Variants in DHRS12 observed in about 807,000 individuals in gnomAD.
DHRS12 encodes the protein dehydrogenase/reductase SDR family member 12.
DHRS12 carries 29 observed loss-of-function variants against 32.1 expected under a neutral mutation model. The observed-to-expected ratio is 0.90, with a 90% CI of 0.67 to 1.23. The LOEUF (loss-of-function observed/expected upper bound fraction) is 1.23. Among genes scored for constraint, DHRS12 ranks in the 50% most tolerant of loss-of-function variants. The pLI is 0.00. For missense variants in DHRS12, 330 were observed against 337.2 expected (o/e 0.98, Z 0.17); for synonymous variants, 150 against 135.9 (o/e 1.10, Z -0.72).
At chr13:51,758,070 A>G in the DHRS12 span, 2 of 505,836 alleles carry the variant, frequency 4.0e-6, no homozygotes, top group Non-Finnish European at 7.2e-6. Context: ...TCTGAGGAGC[A>G]TTCCTGTCAG....
intron 4 of DHRS12, among the ~76,000 whole-genome samples, chr13:51,783,475 TATA>T (rs1555270667): frequency 3.9e-5 from 6 of 152,316 alleles, no homozygotes; most frequent in South Asian, 2.1e-4. Context: ...ATAATATATA[TATA>T]ATGTTTTAAC....
At chr13:51,789,787 C>A (rs1955177666) in intron 4 of DHRS12, 1 of 985,316 alleles carries the variant, frequency 1.0e-6, no homozygotes, top group Non-Finnish European at 1.2e-6. Context: ...GGAAAAAAAA[C>A]ACTTCAATAC....
intron 4 of DHRS12, among the ~76,000 whole-genome samples, chr13:51,788,334 T>C (rs1955094239): frequency 6.6e-6 from 1 of 152,126 alleles, no homozygotes; most frequent in African/African-American, 2.4e-5. Context: ...GATAACATAT[T>C]TGGAACAAAG....
the DHRS12 span, chr13:51,755,537 C>G: frequency 6.4e-6 from 9 of 1,414,390 alleles, 1 homozygote; most frequent in South Asian, 1.1e-4. Context: ...GAAATAACAC[C>G]CCTGGGTGGG....
chr13:51,794,385 T>C (rs889605366), intron 2 of DHRS12, among the ~76,000 whole-genome samples: 5 of 152,178 alleles, frequency 3.3e-5, no homozygotes, highest in Non-Finnish European at 7.3e-5. Context: ...TGGAGGTGTT[T>C]TGTTAAGTAG....
intron 1 of DHRS12, chr13:51,803,768 CG>C: frequency 7.0e-6 from 2 of 286,178 alleles, no homozygotes; most frequent in Non-Finnish European, 1.3e-5. Context: ...TCCTTGGCGC[CG>C]GGGCCGCCTG....
chr13:51,797,694 C>T (rs1221148852), intron 2 of DHRS12: 4 of 907,218 alleles, frequency 4.4e-6, no homozygotes, highest in South Asian at 1.7e-5. Context: ...CCCTGCTGGC[C>T]GAGGCTGCTT....
intron 2 of DHRS12, among the ~76,000 whole-genome samples, chr13:51,794,427 A>C (rs1955419669): frequency 6.6e-6 from 1 of 152,226 alleles, no homozygotes; most frequent in South Asian, 2.1e-4. Flanking sequence ...GCGGTATTTC[A>C]TAAAACCACT....
rs1025725894 is a variant in DHRS12 at position 51,771,243 on chromosome 13, T to C, written c.559+578A>G. 1.1e-5 allele frequency: 17 copies of C among 1,551,736 alleles called. No individual in the cohort carries two copies. Among genetic ancestry groups the C allele is most frequent in the Non-Finnish European group, 1.5e-5 (17 of 1,147,086 alleles). Reference sequence around the variant, plus strand: ...GTGCTGTGGCTGCTGCTGCTTTCAGTTCCCTTGTTTGTAGAGGAGGAAAGA... The same window carrying C: ...GTGCTGTGGCTGCTGCTGCTTTCAGCTCCCTTGTTTGTAGAGGAGGAAAGA... On this transcript the variant is annotated intron_variant, in intron 7 of 8. Coordinates refer to ENST00000444610, the MANE Select transcript of DHRS12 (RefSeq NM_001377533.1).
intron 7 of DHRS12, among the ~76,000 whole-genome samples, chr13:51,770,542 G>A (rs376892092): frequency 2.6e-5 from 4 of 152,202 alleles, no homozygotes; most frequent in Admixed American, 6.5e-5. Context: ...CCATTAGGCC[G>A]TGAGAAGAAT....
chr13:51,785,809 C>T (rs2064171393), intron 4 of DHRS12, among the ~76,000 whole-genome samples: 1 of 152,070 alleles, frequency 6.6e-6, no homozygotes, highest in Non-Finnish European at 1.5e-5. Context: ...ATGATACAAC[C>T]CTACACTAAA....
rs956979407 is a variant in DHRS12 at position 51,771,627 on chromosome 13, G to A, written c.559+194C>T. Reference sequence around the variant, plus strand: ...CTGACTTGCACAGGGCAAGCTGGAAGCAAAAGCTCTGTGTCTGTATGAGGC... The same window carrying A: ...CTGACTTGCACAGGGCAAGCTGGAAACAAAAGCTCTGTGTCTGTATGAGGC... On this transcript the variant is annotated intron_variant, in intron 7 of 8. Transcript: ENST00000444610. 11 of 1,456,674 alleles carry A rather than the reference G, an allele frequency of 7.6e-6. No individual in the cohort carries two copies. In the Admixed American group the frequency reaches 2.1e-4, roughly 28 times the overall value. The allele number at this position is 1,456,674 out of a possible 1,614,324, so 90.2% of individuals were successfully genotyped here.
chr13:51,792,786 T>C (rs1955337390), intron 2 of DHRS12, among the ~76,000 whole-genome samples: 1 of 152,182 alleles, frequency 6.6e-6, no homozygotes, highest in African/African-American at 2.4e-5. Context: ...GTTACGTCGT[T>C]GTTTGTTTGT....
chr13:51,791,231 C>T lies in DHRS12; in HGVS notation c.153G>A (p.Leu51=), dbSNP rs1955252633. 1.3e-6 allele frequency: 2 copies of T among 1,534,448 alleles called. No homozygotes were observed. Among genetic ancestry groups the T allele is most frequent in the South Asian group, 2.5e-5 (2 of 80,392 alleles). ...ATTTCCAGATTTGCTTGGGATCAGACAAGTCCACAATGTGCAGAAAAATGT... is the reference window on the plus strand; with the variant it reads ...ATTTCCAGATTTGCTTGGGATCAGATAAGTCCACAATGTGCAGAAAAATGT... ...SENIFLHIVD[L]SDPKQIWKFV... Residue 51 remains leucine, a synonymous_variant, in exon 3 of 9, where the codon TTG becomes TTA. Coordinates refer to ENST00000444610, the MANE Select transcript of DHRS12 (RefSeq NM_001377533.1).
chr13:51,795,386 T>C (rs1566306021), intron 2 of DHRS12, among the ~76,000 whole-genome samples: 1 of 152,176 alleles, frequency 6.6e-6, no homozygotes, highest in Non-Finnish European at 1.5e-5. Flanking sequence ...GGTAATAATA[T>C]TAGTATAAAC....
At chr13:51,781,979 G>A (rs1354959740) in intron 4 of DHRS12, among the ~76,000 whole-genome samples, 1 of 152,200 alleles carries the variant, frequency 6.6e-6, no homozygotes, top group Non-Finnish European at 1.5e-5. Context: ...AGTGGTCGCA[G>A]TGGAGCTGAA....
At chr13:51,792,957 T>C (rs1433640651) in intron 2 of DHRS12, among the ~76,000 whole-genome samples, 2 of 152,084 alleles carry the variant, frequency 1.3e-5, no homozygotes, top group African/African-American at 2.4e-5. Context: ...AAGTTTGCTC[T>C]TCAGACAGTA....
chr13:51,759,690 A>G, the DHRS12 span: 1 of 1,600,592 alleles, frequency 6.2e-7, no homozygotes, highest in Non-Finnish European at 8.6e-7. Flanking sequence ...AAGGACTGTT[A>G]TCCTCAACAC....
chr13:51,756,144 C>T, the DHRS12 span, among the ~76,000 whole-genome samples: 1 of 151,892 alleles, frequency 6.6e-6, no homozygotes, highest in Admixed American at 6.6e-5. Flanking sequence ...ACCCAACAGT[C>T]CTTGTTGAAT....
Sources: allele counts gnomAD v4.1 joint callset (sites outside exome capture counted in the v4.1 genomes callset), GRCh38; gene constraint gnomAD v4.1.1; transcripts MANE v1.5; gene names NCBI Gene and HGNC (gene_info 2026-07-23, HGNC 2026-07-21).